The following NIM1K variants were observed in gnomAD, a reference collection of about 807,000 sequenced individuals.
The protein encoded by NIM1K is serine/threonine-protein kinase NIM1.
In NIM1K, 35 loss-of-function variants were observed where a neutral mutation model predicts 37.1. The observed-to-expected ratio is 0.94, with a 90% confidence interval of 0.72 to 1.25. The LOEUF is 1.25. Among genes scored for constraint, NIM1K ranks in the 50% most tolerant of loss-of-function variants. NIM1K has a pLI of 0.00. For missense variants in NIM1K, 564 were observed against 548.0 expected (o/e 1.03, Z -0.29); for synonymous variants, 234 against 206.6 (o/e 1.13, Z -1.14).
chr5:43,224,448 A>G (rs979317746), intron 1 of NIM1K, among the ~76,000 whole-genome samples: 7 of 152,018 alleles, frequency 4.6e-5, no homozygotes, highest in Non-Finnish European at 1.0e-4. Context: ...GTCTCAGAAA[A>G]AAAAAAAAAA....
chr5:43,256,248 T>C (rs1051696112), intron 2 of NIM1K, among the ~76,000 whole-genome samples: 4 of 149,824 alleles, frequency 2.7e-5, no homozygotes, highest in South Asian at 2.1e-4. Context: ...TAGGAGCCTG[T>C]TGTATTAATC....
chr5:43,198,200 T>TTTC (rs1561069939), intron 1 of NIM1K, among the ~76,000 whole-genome samples: 22 of 45,344 alleles, frequency 4.9e-4, no homozygotes, highest in African/African-American at 1.8e-3. Flanking sequence ...TCTTTCTTTC[T>TTTC]TTCTTTCTCT....
chr5:43,275,020 A>C (rs145805626), intron 2 of NIM1K, among the ~76,000 whole-genome samples: 44 of 152,244 alleles, frequency 2.9e-4, no homozygotes, highest in African/African-American at 1.4e-4. Flanking sequence ...GTCAAGATTC[A>C]TTCATTTTCT....
At position 43,270,918 on chromosome 5, in the gene NIM1K, A is replaced by G. The variant is rs1753246004; in HGVS notation, c.293-6139A>G. 1.3e-5 allele frequency among the ~76,000 whole-genome samples: 2 copies of G among 152,172 alleles called. 1 individual carries two copies. Among genetic ancestry groups the G allele is most frequent in the Admixed American group, 1.3e-4 (2 of 15,276 alleles). ...CTTTTCCTCAACCCCTAACACCCAA[A>G]CACCAAGTGGTATTGATTTCACTTC... On this transcript the variant is annotated intron_variant, in intron 2 of 3. Transcript: ENST00000326035.
chr5:43,251,580 T>C (rs533449259), intron 2 of NIM1K, among the ~76,000 whole-genome samples: 28 of 152,322 alleles, frequency 1.8e-4, no homozygotes, highest in African/African-American at 6.5e-4. Context: ...AGGGGAATTC[T>C]ATGGACCCAC....
chr5:43,232,885 T>C (rs545973014), intron 1 of NIM1K: 10 of 1,137,626 alleles, frequency 8.8e-6, no homozygotes, highest in African/African-American at 1.5e-5. Context: ...AGCATCTTCC[T>C]TGCCTGTGAT....
In NIM1K at chr5:43,279,995, A is replaced by G. The variant is rs955595897; in HGVS notation, c.577A>G (p.Ile193Val). The change falls in exon 4 of 4, where the codon ATT becomes GTT. Residue 193 changes from isoleucine to valine, a missense_variant. Coordinates refer to ENST00000326035, the MANE Select transcript of NIM1K (RefSeq NM_153361.4). ...AVKHMHENQI[I>V]HRDLKAENVF... is the part of the protein sequence containing the mutation. ...TCTTCCACAGCATGAAAACCAAATT[A>G]TTCATAGAGATCTGAAAGCAGAAAA... 2 of 1,609,564 alleles carry G rather than the reference A, an allele frequency of 1.2e-6. No individual in the cohort carries two copies. The highest frequency in any genetic ancestry group is 1.3e-5 in the African/African-American group (1 of 74,962).
intron 1 of NIM1K, among the ~76,000 whole-genome samples, chr5:43,202,832 A>G (rs1290681131): frequency 6.6e-6 from 1 of 152,166 alleles, no homozygotes; most frequent in African/African-American, 2.4e-5. Flanking sequence ...GTTTTGAGTT[A>G]TTTTACAATG....
chr5:43,217,563 A>G (rs1752318493), intron 1 of NIM1K, among the ~76,000 whole-genome samples: 1 of 151,290 alleles, frequency 6.6e-6, no homozygotes, highest in Non-Finnish European at 1.5e-5. Flanking sequence ...GTTACTAATT[A>G]TCTTTTTTAT....
chr5:43,258,935 C>G (rs911139278), intron 2 of NIM1K, among the ~76,000 whole-genome samples: 1 of 151,856 alleles, frequency 6.6e-6, no homozygotes, highest in Non-Finnish European at 1.5e-5. Context: ...CCACCCTACC[C>G]CTTCTAAGTC....
At chr5:43,276,967 T>C in intron 2 of NIM1K, 90 bp from the exon 3 acceptor site, 2 of 1,300,446 alleles carry the variant, frequency 1.5e-6, no homozygotes, top group Non-Finnish European at 2.2e-6. Context: ...ACTCTCTGTC[T>C]AGTAAAGGAA....
At chr5:43,255,740 T>A in intron 2 of NIM1K, among the ~76,000 whole-genome samples, 1 of 22,324 alleles carries the variant, frequency 4.5e-5, no homozygotes. Context: ...AGAGCCAGAC[T>A]CTGTCTCAAA....
At chr5:43,240,843 T>A (rs1267330565) in intron 1 of NIM1K, among the ~76,000 whole-genome samples, 3 of 151,934 alleles carry the variant, frequency 2.0e-5, no homozygotes, top group Non-Finnish European at 4.4e-5. Flanking sequence ...GGCCCTTTCT[T>A]ACACTCCTGA....
rs767108153 is a variant in NIM1K at position 43,280,361 on chromosome 5, G to A, written c.943G>A (p.Gly315Arg). Residue 315 changes from glycine (G) to arginine (R), a missense_variant, in exon 4 of 4, where the codon GGA becomes AGA. Transcript: ENST00000326035. ...VLQQIPTERY[G>R]IDCIMNDEWM... ...TCAGCAGATCCCCACGGAGAGGTAC[G>A]GAATCGACTGCATCATGAATGATGA... 3 of 1,614,132 alleles carry A rather than the reference G, an allele frequency of 1.9e-6. No homozygotes were observed. The Admixed American group carries it at 5.0e-5, about 27-fold the overall frequency.
intron 1 of NIM1K, among the ~76,000 whole-genome samples, chr5:43,195,418 G>A (rs1751897458): frequency 6.6e-6 from 1 of 152,174 alleles, no homozygotes; most frequent in African/African-American, 2.4e-5. Flanking sequence ...AATACTTTGG[G>A]AGGCTGAAGC....
chr5:43,204,539 TA>T (rs1752080780), intron 1 of NIM1K, among the ~76,000 whole-genome samples: 2 of 149,048 alleles, frequency 1.3e-5, no homozygotes, highest in Admixed American at 6.7e-5. Flanking sequence ...CCGTCTCTAC[TA>T]AAAAAATACA....
At position 43,212,917 on chromosome 5, in the gene NIM1K, C is replaced by A. The variant is rs866431609; in HGVS notation, c.-695+20506C>A. ...ATTTAGAATGTGTACCAGATATATTCTCAATTATAGCTTCAGCTTCCCCTC... is the reference window on the plus strand; with the variant it reads ...ATTTAGAATGTGTACCAGATATATTATCAATTATAGCTTCAGCTTCCCCTC... On this transcript the variant is annotated intron_variant, in intron 1 of 3. Transcript: ENST00000326035. Among the ~76,000 whole-genome samples, 98 of 152,178 alleles carry A rather than the reference C, an allele frequency of 6.4e-4. 1 individual carries two copies. Among genetic ancestry groups the A allele is most frequent in the African/African-American group, 2.2e-3 (92 of 41,444 alleles).
Position 43,245,579 on chromosome 5 carries a change from G to T in NIM1K, c.-197G>T. The T allele has an allele frequency of 1.9e-6, 1 of 517,650 alleles. No homozygotes were observed. 32.1% of individuals were successfully genotyped at this position (517,650 alleles called of 1,614,324 possible). A position where few individuals can be genotyped will look rare whatever the true frequency, so the allele number is the denominator to read the frequency against. On this transcript the variant is annotated 5_prime_UTR_variant, in exon 2 of 4. Coordinates refer to ENST00000326035, the MANE Select transcript of NIM1K (RefSeq NM_153361.4). Reference sequence around the variant, plus strand: ...GAGTGAGGCGAGCAGCTCCTGGCTGGGCTGGGCAGACTCAGCTACCACGTT... The same window carrying T: ...GAGTGAGGCGAGCAGCTCCTGGCTGTGCTGGGCAGACTCAGCTACCACGTT...
Position 43,277,300 on chromosome 5 carries a change from A to G in NIM1K, c.536A>G (p.Gln179Arg), listed in dbSNP as rs373009754. The G allele has an allele frequency of 6.1e-5, 98 of 1,613,940 alleles. No individual in the cohort carries two copies. The highest frequency in any genetic ancestry group is 7.7e-5 in the Non-Finnish European group (91 of 1,179,992). ...SEPESKLIFS[Q>R]IVSAVKHMHE... ...CCAGAAAGCAAGCTCATCTTCTCCC[A>G]GATTGTGTCTGCCGTGAAGCACATG... The change falls in exon 3 of 4, where the codon CAG (glutamine) becomes CGG (arginine). Residue 179 changes from glutamine to arginine, a missense_variant. Coordinates refer to ENST00000326035, the MANE Select transcript of NIM1K (RefSeq NM_153361.4).
Sources: allele counts gnomAD v4.1 joint callset (sites outside exome capture counted in the v4.1 genomes callset), GRCh38; gene constraint gnomAD v4.1.1; transcripts MANE v1.5; gene names NCBI Gene and HGNC (gene_info 2026-07-23, HGNC 2026-07-21).